Variants in PTPRD observed in about 807,000 individuals in gnomAD.
PTPRD encodes receptor-type tyrosine-protein phosphatase delta.
Under a neutral mutation model 214.5 loss-of-function variants are expected in PTPRD, and 34 were observed. The ratio of observed to expected loss-of-function variants is 0.16; its 90% CI spans 0.12 to 0.21. The LOEUF (loss-of-function observed/expected upper bound fraction) is 0.21. Ranked by LOEUF, PTPRD falls within the 10% of genes least tolerant of loss-of-function variation. PTPRD has a pLI of 1.00. For synonymous variants in PTPRD, 1,128 were observed against 845.7 expected (o/e 1.33, Z -5.79); for missense variants, 2,545 against 2,398.7 (o/e 1.06, Z -1.27).
chr9:9,649,196 A>G (rs1008627013), intron 7 of PTPRD, among the ~76,000 whole-genome samples: 1 of 152,204 alleles, frequency 6.6e-6, no homozygotes, highest in African/African-American at 2.4e-5. Context: ...CATTTCATAC[A>G]TTCTGACCCT....
At chr9:8,741,417 G>T (rs545288792) in intron 11 of PTPRD, among the ~76,000 whole-genome samples, 2 of 152,054 alleles carry the variant, frequency 1.3e-5, no homozygotes, top group South Asian at 2.1e-4. Context: ...TCAACATGCC[G>T]TTGGAACTCT....
rs914776560 is a variant in PTPRD, at chr9:9,401,052, T to G, written c.-236-3570A>C. On this transcript the variant is annotated intron_variant, in intron 8 of 45. Transcript: ENST00000381196. ...AGTGAAGAAAAAATTAAATATATAT[T>G]ATTACCTTCTCTGTATATCTGTACT... Among the ~76,000 whole-genome samples the G allele has an allele frequency of 2.0e-5, 3 of 152,138 alleles. No individual in the cohort carries two copies. In the East Asian group the frequency reaches 5.8e-4, roughly 30 times the overall value.
At chr9:10,521,357 T>C (rs2052205512) in intron 2 of PTPRD, among the ~76,000 whole-genome samples, 1 of 152,122 alleles carries the variant, frequency 6.6e-6, no homozygotes, top group South Asian at 2.1e-4. Context: ...AAAGACTGAA[T>C]TGGTGAGGAG....
intron 11 of PTPRD, among the ~76,000 whole-genome samples, chr9:8,882,894 A>AAAAAAAAAAAAAG (rs1471438814): frequency 6.6e-6 from 1 of 151,716 alleles, no homozygotes; most frequent in African/African-American, 2.4e-5. Flanking sequence ...CAAAAAAAAA[A>AAAAAAAAAAAAAG]AAGGTATTTT....
At chr9:9,515,454 T>C (rs2096813317) in intron 8 of PTPRD, among the ~76,000 whole-genome samples, 1 of 152,102 alleles carries the variant, frequency 6.6e-6, no homozygotes, top group Admixed American at 6.6e-5. Context: ...ATCCATCAAC[T>C]ACTTTAAAAT....
intron 9 of PTPRD, among the ~76,000 whole-genome samples, chr9:9,371,794 G>C (rs2059576602): frequency 6.6e-6 from 1 of 152,128 alleles, no homozygotes; most frequent in Non-Finnish European, 1.5e-5. Context: ...ATGTGTCCCA[G>C]AGATTCTGGT....
intron 5 of PTPRD, among the ~76,000 whole-genome samples, chr9:9,844,668 T>C (rs781665890): frequency 6.8e-6 from 1 of 147,966 alleles, no homozygotes; most frequent in South Asian, 2.1e-4. Context: ...TTATTAGCTT[T>C]ATTTATTATT....
intron 2 of PTPRD, among the ~76,000 whole-genome samples, chr9:10,362,126 T>G (rs1015390824): frequency 6.6e-6 from 1 of 152,132 alleles, no homozygotes; most frequent in Non-Finnish European, 1.5e-5. Context: ...GCTGATTTCA[T>G]AAGAAAATTT....
At chr9:9,181,758 G>T (rs1407950117) in intron 10 of PTPRD, among the ~76,000 whole-genome samples, 1 of 151,936 alleles carries the variant, frequency 6.6e-6, no homozygotes, top group African/African-American at 2.4e-5. Context: ...CTGTCTTGAA[G>T]AAACAATGTC....
intron 3 of PTPRD, among the ~76,000 whole-genome samples, chr9:10,308,664 T>C (rs2096169302): frequency 6.6e-6 from 1 of 152,114 alleles, no homozygotes; most frequent in Non-Finnish European, 1.5e-5. Context: ...ATAGTCATGT[T>C]AACAATATTA....
At chr9:10,028,900 TG>T (rs2096986203) in intron 4 of PTPRD, among the ~76,000 whole-genome samples, 1 of 152,124 alleles carries the variant, frequency 6.6e-6, no homozygotes, top group Non-Finnish European at 1.5e-5. Context: ...CTCCAGGGCA[TG>T]TCAGAGGTCT....
chr9:10,003,768 G>T (rs1407507241), intron 4 of PTPRD, among the ~76,000 whole-genome samples: 1 of 151,482 alleles, frequency 6.6e-6, no homozygotes, highest in African/African-American at 2.4e-5. Flanking sequence ...AACTCATGTG[G>T]TCCTCACAAC....
chr9:10,376,800 T>G (rs930323194), intron 2 of PTPRD, among the ~76,000 whole-genome samples: 1 of 151,946 alleles, frequency 6.6e-6, no homozygotes, highest in East Asian at 1.9e-4. Context: ...TGTATACTTA[T>G]GAGGTACATG....
At chr9:9,435,467 G>C (rs1348766905) in intron 8 of PTPRD, among the ~76,000 whole-genome samples, 6 of 151,778 alleles carry the variant, frequency 4.0e-5, no homozygotes, top group Admixed American at 6.6e-5. Flanking sequence ...GCTGAGCTAT[G>C]ACTGTGCCAC....
intron 3 of PTPRD, among the ~76,000 whole-genome samples, chr9:10,205,087 A>C (rs2099462583): frequency 6.6e-6 from 1 of 152,172 alleles, no homozygotes; most frequent in Non-Finnish European, 1.5e-5. Context: ...GCTGCCAGCC[A>C]TATGCCTTAT....
At chr9:9,432,437 C>T (rs184490833) in intron 8 of PTPRD, among the ~76,000 whole-genome samples, 1 of 152,286 alleles carries the variant, frequency 6.6e-6, no homozygotes, top group African/African-American at 2.4e-5. Context: ...CTTCTATAGA[C>T]ACCTGGGTGG....
At chr9:9,061,755 T>C (rs1335288783) in intron 10 of PTPRD, among the ~76,000 whole-genome samples, 1 of 152,198 alleles carries the variant, frequency 6.6e-6, no homozygotes, top group Non-Finnish European at 1.5e-5. Flanking sequence ...CCGAGGGCCT[T>C]GGGACCCAGT....
At chr9:8,946,592 A>G (rs1032732483) in intron 11 of PTPRD, among the ~76,000 whole-genome samples, 1 of 152,194 alleles carries the variant, frequency 6.6e-6, no homozygotes, top group Admixed American at 6.5e-5. Flanking sequence ...GCATTCTTCT[A>G]TCCCCAAGGA....
intron 5 of PTPRD, among the ~76,000 whole-genome samples, chr9:9,822,371 A>G (rs1274932342): frequency 6.6e-6 from 1 of 150,922 alleles, no homozygotes; most frequent in Non-Finnish European, 1.5e-5. Context: ...AGATCACACC[A>G]CTGCATTCCA....
Sources: gnomAD v4.1 joint callset for allele counts (sites outside exome capture counted in the v4.1 genomes callset) on GRCh38, gnomAD v4.1.1 for gene constraint, MANE v1.5 for transcripts, NCBI Gene and HGNC (gene_info 2026-07-23, HGNC 2026-07-21) for gene names.